Variants in WSCD2 observed in about 807,000 individuals in gnomAD.
The protein encoded by WSCD2 is WSC domain sialate O sulfotransferase 2.
In WSCD2, 28 loss-of-function variants were observed where a neutral mutation model predicts 55.7. The observed-to-expected ratio is 0.50, with a 90% CI of 0.37 to 0.69. WSCD2 has a LOEUF of 0.69. WSCD2 is among the 30% of genes least tolerant of loss of function. The probability of loss-of-function intolerance (pLI) is 0.00; values close to 1 mark genes in which losing one functional copy is unlikely to be tolerated. For missense variants in WSCD2, 616 were observed against 762.1 expected, an observed-to-expected ratio of 0.81 and a Z score of 2.26; for synonymous variants, 301 against 301.9, an observed-to-expected ratio of 1.00 and a Z score of 0.03.
intron 6 of WSCD2, among the ~76,000 whole-genome samples, chr12:108,227,660 C>A (rs1426366): frequency 4.6e-5 from 7 of 152,220 alleles, no homozygotes; most frequent in Non-Finnish European, 7.4e-5. Flanking sequence ...CCTTTGCTAG[C>A]GGAATCCACA....
chr12:108,188,855 G>A (rs920631499), intron 1 of WSCD2, among the ~76,000 whole-genome samples: 1 of 152,200 alleles, frequency 6.6e-6, no homozygotes, highest in Non-Finnish European at 1.5e-5. Context: ...CTGAGGCTCA[G>A]TTTTGCACTT....
chr12:108,225,586 C>T (rs77604159), intron 5 of WSCD2, among the ~76,000 whole-genome samples: 2,829 of 149,504 alleles, frequency 0.019, 97 homozygotes, highest in African/African-American at 0.066. Context: ...GGTGTGTGAG[C>T]AGAGGCCAGG....
chr12:108,139,641 G>A (rs925731911), intron 1 of WSCD2, among the ~76,000 whole-genome samples: 9 of 152,134 alleles, frequency 5.9e-5, no homozygotes, highest in Non-Finnish European at 1.3e-4. Context: ...GTAAAATGGG[G>A]ATAATAATAA....
intron 4 of WSCD2, among the ~76,000 whole-genome samples, chr12:108,212,614 CACACACACACACACACACACATTCAG>C (rs1886350999): frequency 3.4e-5 from 1 of 29,240 alleles, no homozygotes; most frequent in Non-Finnish European, 8.7e-5. Context: ...CTCTCTCTCT[CACACACACACACACACACACATTCAG>C]ACACACACAC....
At chr12:108,180,748 C>T (rs752514035) in intron 1 of WSCD2, among the ~76,000 whole-genome samples, 1 of 152,260 alleles carries the variant, frequency 6.6e-6, no homozygotes, top group African/African-American at 2.4e-5. Context: ...AACTACCCAG[C>T]ACCCACTACA....
At chr12:108,232,916 G>A in intron 7 of WSCD2, 21 bp downstream of exon 7, 1 of 1,605,342 alleles carries the variant, frequency 6.2e-7, no homozygotes. Context: ...GGCAGGGAGG[G>A]CAGGGCAAGA....
intron 1 of WSCD2, among the ~76,000 whole-genome samples, chr12:108,187,406 G>A (rs1043127300): frequency 7.2e-5 from 11 of 152,200 alleles, no homozygotes; most frequent in African/African-American, 2.7e-4. Flanking sequence ...CAAAGTTGTG[G>A]CAGAGAATGA....
intron 3 of WSCD2, among the ~76,000 whole-genome samples, chr12:108,209,400 G>A (rs1434816008): frequency 3.9e-5 from 6 of 152,054 alleles, no homozygotes; most frequent in Admixed American, 3.9e-4. Flanking sequence ...GCTGGACTCT[G>A]GAGAGATGAA....
intron 1 of WSCD2, among the ~76,000 whole-genome samples, chr12:108,136,688 G>A (rs976619346): frequency 6.6e-5 from 10 of 152,266 alleles, no homozygotes; most frequent in African/African-American, 9.6e-5. Flanking sequence ...CAGAGCCAGC[G>A]CATGGCAGAG....
chr12:108,217,280 A>G (rs1165842886), intron 4 of WSCD2, among the ~76,000 whole-genome samples: 19 of 152,214 alleles, frequency 1.2e-4, no homozygotes, highest in Non-Finnish European at 2.4e-4. Flanking sequence ...TTTCACTGCT[A>G]TGGAAATCCA....
intron 8 of WSCD2, among the ~76,000 whole-genome samples, chr12:108,242,610 A>AT (rs1329400764): frequency 2.0e-5 from 3 of 151,738 alleles, no homozygotes; most frequent in Non-Finnish European, 4.4e-5. Context: ...ACATCAGTAT[A>AT]TTTTTTTTCA....
intron 1 of WSCD2, among the ~76,000 whole-genome samples, chr12:108,132,854 A>G (rs746653514): frequency 5.9e-5 from 9 of 152,104 alleles, no homozygotes; most frequent in Non-Finnish European, 8.8e-5. Context: ...TACAGGCATT[A>G]TGTATCTGCA....
At chr12:108,195,221 C>G (rs1040471005) in intron 1 of WSCD2, 61 bp from the exon 2 acceptor site, 1 of 152,614 alleles carries the variant, frequency 6.6e-6, no homozygotes, top group Admixed American at 6.5e-5. Flanking sequence ...GCTCAAGAAC[C>G]CTGTGGGTTC....
chr12:108,178,318 A>G (rs1182910086), intron 1 of WSCD2, among the ~76,000 whole-genome samples: 1 of 152,112 alleles, frequency 6.6e-6, no homozygotes, highest in African/African-American at 2.4e-5. Context: ...ACCAGCATCT[A>G]TGGTGACCAG....
intron 1 of WSCD2, among the ~76,000 whole-genome samples, chr12:108,156,924 G>A (rs1032089540): frequency 1.7e-4 from 26 of 152,214 alleles, no homozygotes; most frequent in Admixed American, 5.2e-4. Context: ...CTGGCACTAC[G>A]TGTCTAGACG....
At chr12:108,172,665 C>T (rs1318403850) in intron 1 of WSCD2, among the ~76,000 whole-genome samples, 3 of 152,188 alleles carry the variant, frequency 2.0e-5, no homozygotes, top group Admixed American at 1.3e-4. Flanking sequence ...AGATCGCCAG[C>T]AACTGCTAGA....
intron 2 of WSCD2, among the ~76,000 whole-genome samples, chr12:108,197,857 C>G (rs1330810092): frequency 6.6e-6 from 1 of 151,194 alleles, no homozygotes; most frequent in Admixed American, 6.6e-5. Context: ...ATGCTCTGCC[C>G]CACTGTCCTT....
intron 1 of WSCD2, among the ~76,000 whole-genome samples, chr12:108,140,060 G>T (rs1373926061): frequency 2.6e-5 from 4 of 152,174 alleles, no homozygotes; most frequent in African/African-American, 7.2e-5. Flanking sequence ...TGCATGGAGA[G>T]TTCTCAGCCC....
chr12:108,199,703 A>G (rs1202196444), intron 2 of WSCD2, among the ~76,000 whole-genome samples: 1 of 152,214 alleles, frequency 6.6e-6, no homozygotes, highest in Non-Finnish European at 1.5e-5. Flanking sequence ...CTTCATAGTA[A>G]TGAAGGAAGA....
Sources: gnomAD v4.1 joint callset for allele counts (sites outside exome capture counted in the v4.1 genomes callset) on GRCh38, gnomAD v4.1.1 for gene constraint, MANE v1.5 for transcripts, NCBI Gene and HGNC (gene_info 2026-07-23, HGNC 2026-07-21) for gene names.